The following HARS2 variants were observed in gnomAD, a reference collection of about 807,000 sequenced individuals.
HARS2 encodes the protein histidine--tRNA ligase, mitochondrial.
In HARS2, 40 loss-of-function variants were observed where a neutral mutation model predicts 62.4. The ratio of observed to expected loss-of-function variants is 0.64; its 90% CI spans 0.50 to 0.83. The LOEUF (loss-of-function observed/expected upper bound fraction) is 0.83. HARS2 is among the 40% of genes least tolerant of loss of function. The pLI is 0.00. For synonymous variants in HARS2, 228 were observed against 227.0 expected (o/e 1.00, Z -0.04); for missense variants, 569 against 626.4 (o/e 0.91, Z 0.98).
rs772319900 is a variant in HARS2, at chr5:140,694,041, C to T, written c.290C>T (p.Ala97Val). 7.4e-6 allele frequency: 12 copies of T among 1,614,186 alleles called. No individual in the cohort carries two copies. Among genetic ancestry groups the T allele is most frequent in the Non-Finnish European group, 1.0e-5 (12 of 1,179,998 alleles). ...GGAGCAAAGGGGATGGACACCCCAG[C>T]ATTTGAGCTGAAGGTAAGGGGAGAA... Reference protein sequence around the residue: ...RHGAKGMDTPAFELKETLTEK... With the variant: ...RHGAKGMDTPVFELKETLTEK... Residue 97 changes from alanine to valine, a missense_variant, in exon 3 of 13, where the codon GCA (alanine) becomes GTA (valine). By Grantham distance (64) the Ala-to-Val change is moderately conservative. Transcript: ENST00000230771.
At position 140,693,663 on chromosome 5, in the gene HARS2, A is replaced by G. The variant is rs763677087; in HGVS notation, c.181A>G (p.Lys61Glu). ...ACCAAATTTTATTATCAAGACCCCA[A>G]AGGTAATACTTTTTGCCTACCCTAT... ...EKPNFIIKTPKGTRDLSPQHM... is the reference protein window; with the variant it reads ...EKPNFIIKTPEGTRDLSPQHM... The change falls in exon 2 of 13, where the codon AAG (lysine) becomes GAG (glutamate). Residue 61 changes from lysine (K) to glutamate (E), a missense_variant and splice_region_variant. Physicochemically the swap from Lys to Glu is moderately conservative, Grantham distance 56. Coordinates refer to ENST00000230771, the MANE Select transcript of HARS2 (RefSeq NM_012208.4). 2 of 1,612,634 alleles carry G rather than the reference A, an allele frequency of 1.2e-6. No homozygotes were observed. The highest frequency in any genetic ancestry group is 1.7e-6 in the Non-Finnish European group (2 of 1,178,630).
intron 8 of HARS2, 73 bp from the exon 9 acceptor site, chr5:140,696,870 A>G (rs1759764357): frequency 7.9e-7 from 1 of 1,259,048 alleles, no homozygotes; most frequent in African/African-American, 1.5e-5. Flanking sequence ...GAGGAAGACT[A>G]GCTAGAGCAC....
Position 140,697,929 on chromosome 5 carries a change from C to G in HARS2, c.1315-3C>G. The G allele has an allele frequency of 1.2e-6, 2 of 1,613,368 alleles. No individual in the cohort carries two copies. Among genetic ancestry groups the G allele is most frequent in the Non-Finnish European group, 1.7e-6 (2 of 1,179,346 alleles). On this transcript the variant is annotated splice_region_variant and splice_polypyrimidine_tract_variant and intron_variant, in intron 11 of 12. Transcript: ENST00000230771. ...TCCCTTACTCTGTCTTGATCCTTTTCAGGCAGAGATGCTATACAAGAACAA... is the reference window on the plus strand; with the variant it reads ...TCCCTTACTCTGTCTTGATCCTTTTGAGGCAGAGATGCTATACAAGAACAA...
At chr5:140,695,687 T>G (rs1401420352) in intron 5 of HARS2, 51 bp from the exon 6 acceptor site, 1 of 1,613,842 alleles carries the variant, frequency 6.2e-7, no homozygotes, top group African/African-American at 1.3e-5. Flanking sequence ...GCCACAACCT[T>G]GAAACTGGCT....
Position 140,695,612 on chromosome 5 carries a change from T to TC in HARS2, c.504_505insC (p.Tyr169LeufsTer2). ...AGAGCCCAACCATAGTCCAAGGCCG[T>TC]TATAGGGAGTTCTGCCAGTGTGTAA... is the stretch of plus-strand genomic sequence containing the variant. On this transcript the variant is annotated frameshift_variant, in exon 5 of 13. Coordinates refer to ENST00000230771, the MANE Select transcript of HARS2 (RefSeq NM_012208.4). LOFTEE classifies it high-confidence loss of function. 2 of 1,614,164 alleles carry TC rather than the reference T, an allele frequency of 1.2e-6. No individual in the cohort carries two copies. Among genetic ancestry groups the TC allele is most frequent in the South Asian group, 2.2e-5 (2 of 91,074 alleles).
intron 4 of HARS2, 135 bp from the exon 5 acceptor site, chr5:140,695,373 G>C: frequency 1.1e-6 from 1 of 942,676 alleles, no homozygotes; most frequent in Non-Finnish European, 1.7e-6. Context: ...GCTAGGCCTT[G>C]GGGATAGTGG....
intron 8 of HARS2, 141 bp downstream of exon 8, chr5:140,696,755 T>G: frequency 1.1e-6 from 1 of 940,922 alleles, no homozygotes; most frequent in East Asian, 2.4e-5. Context: ...TTTTACTTAT[T>G]GTAACGACTT....
chr5:140,698,024 G>A lies in HARS2; in HGVS notation c.1407G>A (p.Glu469=), dbSNP rs767875930. The change falls in exon 12 of 13, where the codon GAG becomes GAA. Residue 469 remains glutamate (E), a synonymous_variant. Transcript: ENST00000230771. The part of the protein sequence containing the change: ...TGIPLVVIIG[E]QELKEGVIKI... Reference sequence around the variant, plus strand: ...TTCCACTGGTGGTCATTATTGGTGAGCAAGAACTGAAAGAAGGGGTCATCA... The same window carrying A: ...TTCCACTGGTGGTCATTATTGGTGAACAAGAACTGAAAGAAGGGGTCATCA... 12 of 1,614,148 alleles carry A rather than the reference G, an allele frequency of 7.4e-6. No homozygotes were observed. The highest frequency in any genetic ancestry group is 1.7e-5 in the Admixed American group (1 of 60,022).
chr5:140,696,561 A>C lies in HARS2; in HGVS notation c.773A>C (p.Lys258Thr). 1 of 1,614,016 alleles carries C rather than the reference A, an allele frequency of 6.2e-7. No individual in the cohort carries two copies. The highest frequency in any genetic ancestry group is 8.5e-7 in the Non-Finnish European group (1 of 1,179,870). The change falls in exon 8 of 13, where the codon AAA becomes ACA. Residue 258 changes from lysine (K) to threonine (T), a missense_variant. Physicochemically the swap from Lys to Thr is moderately conservative, Grantham distance 78. Coordinates refer to ENST00000230771, the MANE Select transcript of HARS2 (RefSeq NM_012208.4). ...GTGAGACATGAGATGGTGGTGAAGAAAGGCCTGGCTCCTGAGGTGGCTGAT... is the reference window on the plus strand; with the variant it reads ...GTGAGACATGAGATGGTGGTGAAGACAGGCCTGGCTCCTGAGGTGGCTGAT... ...KDVRHEMVVK[K>T]GLAPEVADRI...
chr5:140,695,779 T>C lies in HARS2; in HGVS notation c.567T>C (p.Asp189=). 6.2e-7 allele frequency: 1 copy of C among 1,614,116 alleles called. No individual in the cohort carries two copies. Among genetic ancestry groups the C allele is most frequent in the Non-Finnish European group, 8.5e-7 (1 of 1,179,954 alleles). ...GTCAGTTTGACCCTATGATCCCCGATGCAGAGTGTTTGAAGATCATGTGTG... is the reference window on the plus strand; with the variant it reads ...GTCAGTTTGACCCTATGATCCCCGACGCAGAGTGTTTGAAGATCATGTGTG... ...IAGQFDPMIP[D]AECLKIMCEI... The change falls in exon 6 of 13, where the codon GAT becomes GAC. Residue 189 remains aspartate (D), a synonymous_variant. Transcript: ENST00000230771.
intron 1 of HARS2, 152 bp downstream of exon 1, chr5:140,691,908 G>A: frequency 1.5e-6 from 1 of 653,352 alleles, no homozygotes; most frequent in Non-Finnish European, 2.8e-6. Flanking sequence ...TGGATGCCTG[G>A]TCATTTAATC....
Position 140,698,861 on chromosome 5 carries a change from C to T in HARS2, c.*309C>T, listed in dbSNP as rs569192471. On this transcript the variant is annotated 3_prime_UTR_variant, in exon 13 of 13. Coordinates refer to ENST00000230771, the MANE Select transcript of HARS2 (RefSeq NM_012208.4). ...TGAGATTGTTGCTGTGAGCAAGGCTCTGGGAGAGTCACCTCAGGCTCAGGA... is the reference window on the plus strand; with the variant it reads ...TGAGATTGTTGCTGTGAGCAAGGCTTTGGGAGAGTCACCTCAGGCTCAGGA... The T allele has an allele frequency of 1.2e-5, 5 of 425,814 alleles. No individual in the cohort carries two copies. Among genetic ancestry groups the T allele is most frequent in the African/African-American group, 1.0e-4 (5 of 49,648 alleles). The allele number at this position is 425,814 out of a possible 1,614,324, so 26.4% of individuals were successfully genotyped here. A position where few individuals can be genotyped will look rare whatever the true frequency, so the allele number is the denominator to read the frequency against.
rs1036783011 is a variant in HARS2 at position 140,699,220 on chromosome 5, C to G, written c.*668C>G. ...GAGATTTTGGAGACCATTTCCTGTG[C>G]CAGAATCACTGCTCTATTCCATACC... On this transcript the variant is annotated 3_prime_UTR_variant, in exon 13 of 13. Coordinates refer to ENST00000230771, the MANE Select transcript of HARS2 (RefSeq NM_012208.4). 6.2e-6 allele frequency: 1 copy of G among 160,214 alleles called. No homozygotes were observed. Among genetic ancestry groups the G allele is most frequent in the African/African-American group, 2.4e-5 (1 of 41,458 alleles). 9.9% of individuals were successfully genotyped at this position (160,214 alleles called of 1,614,324 possible).
At chr5:140,694,387 A>C (rs1237511892) in intron 4 of HARS2, 107 bp downstream of exon 4, 2 of 802,862 alleles carry the variant, frequency 2.5e-6, no homozygotes, top group Admixed American at 1.8e-5. Context: ...TCCATTGCCT[A>C]TACTTCTAGT....
At position 140,693,596 on chromosome 5, in the gene HARS2, A is replaced by G; in HGVS notation, c.114A>G (p.Ala38=). The G allele has an allele frequency of 1.2e-6, 2 of 1,614,034 alleles. No homozygotes were observed. The highest frequency in any genetic ancestry group is 2.2e-5 in the South Asian group (2 of 91,086). Residue 38 remains alanine (A), a synonymous_variant, in exon 2 of 13, where the codon GCA becomes GCG. Coordinates refer to ENST00000230771, the MANE Select transcript of HARS2 (RefSeq NM_012208.4). The stretch of plus-strand genomic sequence containing the variant: ...CACATTCATTCTTCTGCCAGGTTGC[A>G]GAGGCAGTGTTAACATCCCAACTGA... ...TGAVRCQSQV[A]EAVLTSQLKA...
chr5:140,695,699 G>A, intron 5 of HARS2, 39 bp from the exon 6 acceptor site: 1 of 1,613,582 alleles, frequency 6.2e-7, no homozygotes, highest in Non-Finnish European at 8.5e-7. Context: ...AAACTGGCTG[G>A]ATAATGGATG....
intron 4 of HARS2, 119 bp from the exon 5 acceptor site, chr5:140,695,389 A>T: frequency 2.7e-6 from 3 of 1,121,546 alleles, no homozygotes; most frequent in Admixed American, 1.7e-5. Flanking sequence ...AGTGGAAAAA[A>T]GGGAAGGTCC....
chr5:140,694,542 T>C (rs1759672480), intron 4 of HARS2, among the ~76,000 whole-genome samples: 1 of 152,224 alleles, frequency 6.6e-6, no homozygotes, highest in Non-Finnish European at 1.5e-5. Context: ...ATTCTGTAGC[T>C]GGAATGGGGC....
chr5:140,698,464 T>C, intron 12 of HARS2, 29 bp from the exon 13 acceptor site: 1 of 1,547,140 alleles, frequency 6.5e-7, no homozygotes. Flanking sequence ...CTTTCTAGTT[T>C]ATCACATGAG....
Sources: allele counts gnomAD v4.1 joint callset (sites outside exome capture counted in the v4.1 genomes callset), GRCh38; gene constraint gnomAD v4.1.1; transcripts MANE v1.5; gene names NCBI Gene and HGNC (gene_info 2026-07-23, HGNC 2026-07-21).